OXR1: variants seen among roughly 807,000 people sequenced by gnomAD.
OXR1 encodes oxidation resistance protein 1.
In OXR1, 41 loss-of-function variants were observed where a neutral mutation model predicts 104.6. The ratio of observed to expected loss-of-function variants is 0.39; its 90% confidence interval spans 0.31 to 0.51. The LOEUF is 0.51. Ranked by LOEUF, OXR1 falls within the 20% of genes least tolerant of loss-of-function variation. The probability of loss-of-function intolerance (pLI) is 0.77; values close to 1 mark genes in which losing one functional copy is unlikely to be tolerated. For synonymous variants in OXR1, 348 were observed against 348.4 expected, an observed-to-expected ratio of 1.00 and a Z score of 0.01; for missense variants, 955 against 1,031.9, an observed-to-expected ratio of 0.93 and a Z score of 1.02.
At chr8:106,699,408 C>T (rs1830389581) in intron 7 of OXR1, among the ~76,000 whole-genome samples, 1 of 152,114 alleles carries the variant, frequency 6.6e-6, no homozygotes, top group Non-Finnish European at 1.5e-5. Context: ...TGTTTTTTCT[C>T]TGCCTGTGGA....
At chr8:106,339,555 TAA>T (rs1815152273) in intron 1 of OXR1, among the ~76,000 whole-genome samples, 1 of 76,976 alleles carries the variant, frequency 1.3e-5, no homozygotes, top group African/African-American at 6.0e-5. Context: ...TATATATATA[TAA>T]AACGAAATCA....
chr8:106,642,220 G>A (rs1823713401), intron 3 of OXR1, among the ~76,000 whole-genome samples: 1 of 152,118 alleles, frequency 6.6e-6, no homozygotes, highest in Admixed American at 6.5e-5. Context: ...GAAACCTCTT[G>A]GTCCAGAAAA....
chr8:106,624,280 A>G (rs1256516730), intron 3 of OXR1, among the ~76,000 whole-genome samples: 1 of 152,240 alleles, frequency 6.6e-6, no homozygotes, highest in Non-Finnish European at 1.5e-5. Flanking sequence ...GTAAAGAAGG[A>G]GTAAGATATT....
intron 11 of OXR1, chr8:106,725,884 C>T: frequency 5.6e-6 from 1 of 178,402 alleles, no homozygotes; most frequent in Non-Finnish European, 1.2e-5. Context: ...ATATTTACTA[C>T]TTTTTTGTTA....
At chr8:106,726,248 C>G (rs1833332069) in intron 11 of OXR1, 1 of 1,527,552 alleles carries the variant, frequency 6.5e-7, no homozygotes, top group African/African-American at 1.4e-5. Context: ...AAGGAAATGT[C>G]TCGTCTCTGG....
intron 8 of OXR1, among the ~76,000 whole-genome samples, chr8:106,703,732 T>C (rs1237389271): frequency 6.6e-6 from 1 of 151,172 alleles, no homozygotes; most frequent in Non-Finnish European, 1.5e-5. Flanking sequence ...TCCAAAGTAA[T>C]GGCCAGAAAG....
chr8:106,483,306 G>C (rs1822251960), intron 2 of OXR1, among the ~76,000 whole-genome samples: 1 of 151,946 alleles, frequency 6.6e-6, no homozygotes, highest in South Asian at 2.1e-4. Context: ...CATCTGGAGT[G>C]GGGGACAGGG....
At chr8:106,745,113 T>C (rs555378555) in intron 15 of OXR1, among the ~76,000 whole-genome samples, 1 of 152,306 alleles carries the variant, frequency 6.6e-6, no homozygotes, top group South Asian at 2.1e-4. Flanking sequence ...GAAAGTTTTA[T>C]TGAAAACTGT....
chr8:106,298,250 G>A (rs2130074900), intron 1 of OXR1, among the ~76,000 whole-genome samples: 1 of 152,258 alleles, frequency 6.6e-6, no homozygotes, highest in East Asian at 1.9e-4. Context: ...GAGGTTTAAT[G>A]GACTCACAGA....
intron 2 of OXR1, among the ~76,000 whole-genome samples, chr8:106,456,887 T>G (rs1227462889): frequency 6.6e-6 from 1 of 152,200 alleles, no homozygotes; most frequent in Non-Finnish European, 1.5e-5. Flanking sequence ...TATGTGTGTG[T>G]GTTCTTTCTG....
At chr8:106,510,190 T>C (rs898466273) in intron 2 of OXR1, among the ~76,000 whole-genome samples, 3 of 152,228 alleles carry the variant, frequency 2.0e-5, no homozygotes, top group Non-Finnish European at 4.4e-5. Context: ...TCATAGGTTT[T>C]TATATGTAGA....
chr8:106,409,856 C>T (rs1818392565), intron 2 of OXR1, among the ~76,000 whole-genome samples: 1 of 152,080 alleles, frequency 6.6e-6, no homozygotes, highest in Non-Finnish European at 1.5e-5. Flanking sequence ...CTTGATTTTT[C>T]TCCTTAGAGA....
At chr8:106,489,042 C>G (rs1412161174) in intron 2 of OXR1, among the ~76,000 whole-genome samples, 2 of 148,788 alleles carry the variant, frequency 1.3e-5, no homozygotes, top group Non-Finnish European at 1.5e-5. Context: ...GATATTGATT[C>G]TTCCTACCCA....
At chr8:106,717,870 A>G (rs929326869) in intron 11 of OXR1, among the ~76,000 whole-genome samples, 1 of 152,174 alleles carries the variant, frequency 6.6e-6, no homozygotes, top group Non-Finnish European at 1.5e-5. Context: ...AATAGTCCAC[A>G]GTCTGTCATT....
At chr8:106,543,811 T>G (rs963147229) in intron 3 of OXR1, among the ~76,000 whole-genome samples, 2 of 152,188 alleles carry the variant, frequency 1.3e-5, no homozygotes, top group Non-Finnish European at 2.9e-5. Flanking sequence ...CCAAGAAGCC[T>G]TTGAAAACCT....
At chr8:106,451,280 T>A (rs1443915440) in intron 2 of OXR1, among the ~76,000 whole-genome samples, 2 of 152,164 alleles carry the variant, frequency 1.3e-5, no homozygotes, top group African/African-American at 4.8e-5. Context: ...TTGCAAACAG[T>A]TTGGCTTATT....
chr8:106,484,726 C>A (rs1822342632), intron 2 of OXR1, among the ~76,000 whole-genome samples: 2 of 151,718 alleles, frequency 1.3e-5, no homozygotes. Context: ...AATGGAAATG[C>A]AAAATGGTAC....
In OXR1 at chr8:106,679,347, A is replaced by G; in HGVS notation, c.303+55A>G. 3.3e-6 allele frequency: 3 copies of G among 898,946 alleles called. No homozygotes were observed. In the Admixed American group the frequency reaches 6.5e-5, roughly 19 times the overall value. 55.7% of individuals were successfully genotyped at this position (898,946 alleles called of 1,614,324 possible). ...TTTCTTTGTAAGAGTCTTCTTTAAG[A>G]CATTCTCTGTTTATACTATAAATAA... On this transcript the variant is annotated intron_variant, in intron 4 of 16. Coordinates refer to ENST00000517566, the MANE Select transcript of OXR1 (RefSeq NM_001198533.2).
At chr8:106,617,334 A>T (rs1328431600) in intron 3 of OXR1, among the ~76,000 whole-genome samples, 1 of 152,088 alleles carries the variant, frequency 6.6e-6, no homozygotes, top group Non-Finnish European at 1.5e-5. Context: ...GAGGCAGGAG[A>T]ATGGCTTCAA....
Sources: gnomAD v4.1 joint callset for allele counts (sites outside exome capture counted in the v4.1 genomes callset) on GRCh38, gnomAD v4.1.1 for gene constraint, MANE v1.5 for transcripts, NCBI Gene and HGNC (gene_info 2026-07-23, HGNC 2026-07-21) for gene names.